Variants in CABIN1 observed in about 807,000 individuals in gnomAD.
The protein encoded by CABIN1 is calcineurin binding protein 1.
Under a neutral mutation model 227.7 loss-of-function variants are expected in CABIN1, and 133 were observed. The observed-to-expected ratio is 0.58, with a 90% CI of 0.51 to 0.67. The LOEUF is 0.67. CABIN1 is among the 30% of genes least tolerant of loss of function. The pLI is 0.00. For synonymous variants in CABIN1, 1,086 were observed against 1,155.1 expected (o/e 0.94, Z 1.21); for missense variants, 2,408 against 2,852.5 (o/e 0.84, Z 3.55).
chr22:24,067,839 C>A (rs1019698829), intron 16 of CABIN1, among the ~76,000 whole-genome samples: 2 of 152,164 alleles, frequency 1.3e-5, no homozygotes, highest in Non-Finnish European at 2.9e-5. Context: ...TGGCACCATG[C>A]CTGGCACTAG....
At chr22:24,143,582 C>T (rs2044913332) in intron 29 of CABIN1, among the ~76,000 whole-genome samples, 2 of 152,176 alleles carry the variant, frequency 1.3e-5, no homozygotes, top group African/African-American at 2.4e-5. Flanking sequence ...TGCTACCCTG[C>T]CTGCAGTGCC....
rs754244349 is a variant in CABIN1 at position 24,096,008 on chromosome 22, C to T, written c.3864C>T (p.Val1288=). The T allele has an allele frequency of 9.3e-6, 15 of 1,613,982 alleles. No individual in the cohort carries two copies. Among genetic ancestry groups the T allele is most frequent in the Admixed American group, 6.7e-5 (4 of 60,000 alleles). The part of the protein sequence containing the change: ...PDSGVGAEVL[V]NFMKEAAEGP... ...CTGGGGTTGGTGCAGAGGTCCTGGT[C>T]AACTTTATGAAGGAGGCTGCAGAAG... Residue 1288 remains valine, a synonymous_variant, in exon 25 of 37, where the codon GTC becomes GTT. Transcript: ENST00000263119.
At position 24,084,613 on chromosome 22, in the gene CABIN1, T is replaced by C. The variant is rs187220508; in HGVS notation, c.2945T>C (p.Phe982Ser). ...ATATGGGAGGATGCACTGTTCATGT[T>C]TGAGTATTTTAAGCCCAAGACCCTT... ...DLIWEDALFM[F>S]EYFKPKTLPE... Residue 982 changes from phenylalanine to serine, a missense_variant, in exon 21 of 37, where the codon TTT becomes TCT. Physicochemically the swap from Phe to Ser is radical, Grantham distance 155. Transcript: ENST00000263119. The C allele has an allele frequency of 1.2e-6, 2 of 1,614,068 alleles. No homozygotes were observed. The highest frequency in any genetic ancestry group is 1.7e-5 in the Admixed American group (1 of 60,018).
intron 26 of CABIN1, among the ~76,000 whole-genome samples, chr22:24,113,122 A>G (rs2042896955): frequency 6.6e-6 from 1 of 152,144 alleles, no homozygotes; most frequent in South Asian, 2.1e-4. Context: ...ATTCTTTCCC[A>G]CTTCATTTGT....
chr22:24,049,040 G>T, intron 6 of CABIN1, 51 bp from the exon 7 acceptor site: 1 of 1,606,868 alleles, frequency 6.2e-7, no homozygotes, highest in South Asian at 1.1e-5. Flanking sequence ...GGCAAGGCCA[G>T]AGCTTCTGAG....
At chr22:24,074,607 A>G (rs962289275) in intron 18 of CABIN1, among the ~76,000 whole-genome samples, 7 of 152,186 alleles carry the variant, frequency 4.6e-5, no homozygotes, top group African/African-American at 1.7e-4. Flanking sequence ...GCCCTGGGAT[A>G]AAACACACTA....
chr22:24,152,687 C>T (rs565469243), intron 29 of CABIN1, among the ~76,000 whole-genome samples: 155 of 152,180 alleles, frequency 1.0e-3, no homozygotes, highest in Middle Eastern at 3.4e-3. Context: ...CGGTGGCTCA[C>T]GCCTGTAATC....
At chr22:24,063,729 G>A (rs1214858663) in intron 14 of CABIN1, among the ~76,000 whole-genome samples, 1 of 152,214 alleles carries the variant, frequency 6.6e-6, no homozygotes, top group Non-Finnish European at 1.5e-5. Flanking sequence ...AAGAACATTA[G>A]TTCTGGAATT....
intron 29 of CABIN1, chr22:24,162,280 A>C (rs535524623): frequency 1.7e-4 from 26 of 152,420 alleles, no homozygotes; most frequent in African/African-American, 5.8e-4. Context: ...GGCTCTCATT[A>C]GGAGGGGAAG....
rs2040151755 is a variant in CABIN1, at chr22:24,072,365, C to T, written c.2487C>T (p.Cys829=). 1 of 1,614,058 alleles carries T rather than the reference C, an allele frequency of 6.2e-7. No individual in the cohort carries two copies. Among genetic ancestry groups the T allele is most frequent in the African/African-American group, 1.3e-5 (1 of 74,920 alleles). ...CCCCGCACTGTCAGGTCATTGACTG[C>T]AGCATGGCTGTGCAGGAGGAGGCCA... ...LTNNLIQVID[C]SMAVQEEAKE... Residue 829 remains cysteine, a synonymous_variant, in exon 18 of 37, where the codon TGC becomes TGT. Transcript: ENST00000263119.
intron 28 of CABIN1, among the ~76,000 whole-genome samples, chr22:24,128,304 G>A (rs192079169): frequency 6.9e-6 from 1 of 144,632 alleles, no homozygotes; most frequent in East Asian, 2.1e-4. Context: ...CTCGGGGCGG[G>A]GGGAGGGTGG....
At chr22:24,071,878 C>G (rs368499171) in intron 17 of CABIN1, among the ~76,000 whole-genome samples, 6 of 152,140 alleles carry the variant, frequency 3.9e-5, no homozygotes, top group African/African-American at 1.2e-4. Flanking sequence ...CCTCTGCCCC[C>G]ACTCCTTGCC....
At chr22:24,088,385 G>A (rs1205366081) in intron 23 of CABIN1, among the ~76,000 whole-genome samples, 2 of 152,078 alleles carry the variant, frequency 1.3e-5, no homozygotes, top group South Asian at 2.1e-4. Context: ...TGAGGCGGGC[G>A]GATCACGAGG....
At chr22:24,082,085 C>G (rs1312970966) in intron 19 of CABIN1, among the ~76,000 whole-genome samples, 1 of 121,182 alleles carries the variant, frequency 8.3e-6, no homozygotes, top group Non-Finnish European at 1.7e-5. Flanking sequence ...TATTCTCTCT[C>G]TTTTTTTTTT....
At chr22:24,089,298 G>A (rs921860294) in intron 23 of CABIN1, among the ~76,000 whole-genome samples, 21 of 152,240 alleles carry the variant, frequency 1.4e-4, no homozygotes, top group African/African-American at 4.8e-4. Context: ...CAGGGAGTGG[G>A]TAAGGAGACT....
intron 13 of CABIN1, among the ~76,000 whole-genome samples, chr22:24,062,346 ATTTTTTTTTTTTTT>A (rs35757164): frequency 5.2e-5 from 5 of 96,540 alleles, no homozygotes; most frequent in Non-Finnish European, 2.0e-5. Context: ...GGTGATACGG[ATTTTTTTTTTTTTT>A]TTTTTTTTTT....
At chr22:24,161,818 G>A (rs937457068) in intron 29 of CABIN1, among the ~76,000 whole-genome samples, 2 of 152,198 alleles carry the variant, frequency 1.3e-5, no homozygotes, top group Admixed American at 1.3e-4. Context: ...CCTTCCTCCT[G>A]TGTGGGCCGT....
intron 16 of CABIN1, among the ~76,000 whole-genome samples, chr22:24,069,756 T>C (rs977523939): frequency 2.7e-5 from 4 of 150,024 alleles, no homozygotes; most frequent in Admixed American, 6.5e-5. Flanking sequence ...GATTTATAAA[T>C]TGGGGGGGGT....
At chr22:24,012,260 T>G (rs2034873415) in intron 1 of CABIN1, among the ~76,000 whole-genome samples, 1 of 152,204 alleles carries the variant, frequency 6.6e-6, no homozygotes, top group Non-Finnish European at 1.5e-5. Flanking sequence ...CAATAAAATT[T>G]TAATTATAGG....
Sources: allele counts gnomAD v4.1 joint callset (sites outside exome capture counted in the v4.1 genomes callset), GRCh38; gene constraint gnomAD v4.1.1; transcripts MANE v1.5; gene names NCBI Gene and HGNC (gene_info 2026-07-23, HGNC 2026-07-21).